PKM: variants seen among roughly 807,000 people sequenced by gnomAD.
PKM encodes the protein pyruvate kinase PKM.
PKM carries 18 observed loss-of-function variants against 49.8 expected under a neutral mutation model. That is an observed-to-expected ratio of 0.36 (90% CI 0.25 to 0.54). PKM has a LOEUF of 0.54. PKM is among the 20% of genes least tolerant of loss of function. PKM has a pLI of 0.89. For missense variants in PKM, 508 were observed against 713.8 expected (o/e 0.71, Z 3.28); for synonymous variants, 239 against 261.8 (o/e 0.91, Z 0.84).
intron 1 of PKM, chr15:72,229,673 C>G (rs2082789553): frequency 1.6e-6 from 2 of 1,242,164 alleles, no homozygotes. Flanking sequence ...GCAGGAAGCT[C>G]GTACCCCACT....
Position 72,202,521 on chromosome 15 carries a change from C to T in PKM, c.1240G>A (p.Val414Met), listed in dbSNP as rs1567102215. ...TTGAAGGAGGCCTCCACGGCACCCACGGCGGTGGCTTCTGTGGGGTCGCTG... is the reference window on the plus strand; with the variant it reads ...TTGAAGGAGGCCTCCACGGCACCCATGGCGGTGGCTTCTGTGGGGTCGCTG... ...ITSDPTEATA[V>M]GAVEASFKCC... is the part of the protein sequence containing the mutation. The change falls in exon 9 of 11, where the codon GTG becomes ATG. Residue 414 changes from valine (V) to methionine (M), a missense_variant. Transcript: ENST00000335181. The surrounding 1 kb of genome is among the most constrained non-coding windows in gnomAD (Gnocchi z 4.5). The T allele has an allele frequency of 2.5e-6, 4 of 1,613,638 alleles. No homozygotes were observed. Among genetic ancestry groups the T allele is most frequent in the African/African-American group, 1.3e-5 (1 of 75,060 alleles).
rs560802986 is a variant in PKM, at chr15:72,221,422, C to T, written c.-13-2312G>A. 21 of 563,636 alleles carry T rather than the reference C, an allele frequency of 3.7e-5. No homozygotes were observed. The East Asian group carries it at 5.9e-4, about 16-fold the overall frequency. 34.9% of individuals were successfully genotyped at this position (563,636 alleles called of 1,614,324 possible). ...TATGTCTCTTTAAACCTGTGATTTA[C>T]TAACATTCCACTATTCTATACAAGA... On this transcript the variant is annotated intron_variant, in intron 1 of 10. Coordinates refer to ENST00000335181, the MANE Select transcript of PKM (RefSeq NM_002654.6).
intron 3 of PKM, among the ~76,000 whole-genome samples, chr15:72,216,929 A>G (rs1451207705): frequency 6.6e-6 from 1 of 152,228 alleles, no homozygotes; most frequent in African/African-American, 2.4e-5. Flanking sequence ...GATAGTGCTT[A>G]TGCATTAGGC....
At chr15:72,218,421 C>T (rs546350421) in intron 2 of PKM, among the ~76,000 whole-genome samples, 2 of 151,964 alleles carry the variant, frequency 1.3e-5, no homozygotes, top group South Asian at 2.1e-4. Context: ...CCACTGCGCC[C>T]GGACAATTTT....
Position 72,200,685 on chromosome 15 carries a change from G to A in PKM, c.1308-30C>T, listed in dbSNP as rs1195631515. The A allele has an allele frequency of 1.0e-5, 16 of 1,592,664 alleles. No homozygotes were observed. The South Asian group carries it at 1.8e-4, about 18-fold the overall frequency. ...GATGGGATGGGGGACATACAGAAGA[G>A]ACCATTACACGAGGCCCCAGGAAGT... is the stretch of plus-strand genomic sequence containing the variant. On this transcript the variant is annotated intron_variant, in intron 9 of 10. Transcript: ENST00000335181. The surrounding 1 kb of genome is among the most constrained non-coding windows in gnomAD (Gnocchi z 4.6).
chr15:72,208,943 C>CAGGAA, intron 5 of PKM, 52 bp from the exon 6 acceptor site: 1 of 1,573,248 alleles, frequency 6.4e-7, no homozygotes, highest in Non-Finnish European at 8.7e-7. Context: ...CACAGGTCAA[C>CAGGAA]AGGAAGCAGG....
At position 72,229,094 on chromosome 15, in the gene PKM, G is replaced by A. The variant is rs1038653753; in HGVS notation, c.-14+2022C>T. On this transcript the variant is annotated intron_variant, in intron 1 of 10. Transcript: ENST00000335181. ...TGGGGAACTGGTTTCCAGGAGACAC[G>A]TGGTTATTCAGAGAGCCTGATTCCT... 2.6e-5 allele frequency among the ~76,000 whole-genome samples: 4 copies of A among 152,334 alleles called. No homozygotes were observed. The East Asian group carries it at 5.8e-4, about 22-fold the overall frequency.
intron 1 of PKM, among the ~76,000 whole-genome samples, chr15:72,222,140 T>C (rs1457290351): frequency 1.3e-5 from 2 of 152,224 alleles, no homozygotes; most frequent in African/African-American, 4.8e-5. Context: ...TATCTCAAAT[T>C]AAATCTGATG....
At position 72,199,186 on chromosome 15, in the gene PKM, G is replaced by A. The variant is rs1062430; in HGVS notation, c.*464C>T. ...GACAGGTGCAAACTGGAGAGGCCTAGAGAGCTAGAGAAGCAAGTAAGGGCC... is the reference window on the plus strand; with the variant it reads ...GACAGGTGCAAACTGGAGAGGCCTAAAGAGCTAGAGAAGCAAGTAAGGGCC... On this transcript the variant is annotated 3_prime_UTR_variant, in exon 11 of 11. Coordinates refer to ENST00000335181, the MANE Select transcript of PKM (RefSeq NM_002654.6). 5.6e-6 allele frequency: 2 copies of A among 354,158 alleles called. No homozygotes were observed. The highest frequency in any genetic ancestry group is 2.1e-5 in the African/African-American group (1 of 46,698). The allele number at this position is 354,158 out of a possible 1,614,324, so 21.9% of individuals were successfully genotyped here. A position where few individuals can be genotyped will look rare whatever the true frequency, so the allele number is the denominator to read the frequency against.
At chr15:72,204,461 C>G (rs983429894) in intron 8 of PKM, 1 of 152,186 alleles carries the variant, frequency 6.6e-6, no homozygotes, top group African/African-American at 2.4e-5. Flanking sequence ...TCTCTGACCC[C>G]ACTGACAGGC....
chr15:72,228,607 T>G, intron 1 of PKM: 1 of 1,277,084 alleles, frequency 7.8e-7, no homozygotes, highest in South Asian at 1.2e-5. Flanking sequence ...AAAAGCAGAA[T>G]AATTGAAAGG....
chr15:72,209,323 C>G (rs1330706531), intron 5 of PKM, among the ~76,000 whole-genome samples: 1 of 150,056 alleles, frequency 6.7e-6, no homozygotes, highest in Non-Finnish European at 1.5e-5. Context: ...GAGCCAAGAT[C>G]ATGCCACTGC....
Position 72,199,122 on chromosome 15 carries a change from G to GT in PKM, c.*527dup, listed in dbSNP as rs1180905248. The GT allele has an allele frequency of 3.3e-6, 1 of 304,894 alleles. No homozygotes were observed. Among genetic ancestry groups the GT allele is most frequent in the Admixed American group, 4.7e-5 (1 of 21,292 alleles). 18.9% of individuals were successfully genotyped at this position (304,894 alleles called of 1,614,324 possible). A position where few individuals can be genotyped will look rare whatever the true frequency, so the allele number is the denominator to read the frequency against. On this transcript the variant is annotated 3_prime_UTR_variant, in exon 11 of 11. Coordinates refer to ENST00000335181, the MANE Select transcript of PKM (RefSeq NM_002654.6). Reference sequence around the variant, plus strand: ...AGTGGGGGAAAATGGAAGGTGGAGGGTGGAGTGTTTGCTGCAGGACAGCTG... The same window carrying GT: ...AGTGGGGGAAAATGGAAGGTGGAGGGTTGGAGTGTTTGCTGCAGGACAGCTG...
chr15:72,230,085 C>A (rs768485338), intron 1 of PKM, among the ~76,000 whole-genome samples: 26 of 152,260 alleles, frequency 1.7e-4, no homozygotes, highest in Non-Finnish European at 3.5e-4. Flanking sequence ...GCGGCCGCTA[C>A]GTGCAGCCCG....
At chr15:72,205,083 G>A (rs1038322537) in intron 8 of PKM, among the ~76,000 whole-genome samples, 4 of 152,010 alleles carry the variant, frequency 2.6e-5, no homozygotes, top group African/African-American at 9.7e-5. Flanking sequence ...GCCTGGGAGA[G>A]AAATCACTCT....
intron 1 of PKM, among the ~76,000 whole-genome samples, chr15:72,228,040 C>T (rs547670360): frequency 2.0e-5 from 3 of 152,264 alleles, no homozygotes; most frequent in South Asian, 2.1e-4. Context: ...ACTGGGGGTA[C>T]GGTTCTTAAA....
chr15:72,210,038 G>T (rs2082209283), intron 4 of PKM, 179 bp from the exon 5 acceptor site: 2 of 668,518 alleles, frequency 3.0e-6, no homozygotes, highest in Non-Finnish European at 5.4e-6. Flanking sequence ...TCCAAGAAAA[G>T]AATATGTTTC....
intron 6 of PKM, 44 bp from the exon 7 acceptor site, chr15:72,207,321 GC>G: frequency 6.3e-7 from 1 of 1,577,108 alleles, no homozygotes; most frequent in Non-Finnish European, 8.7e-7. Context: ...TAGAACAGAG[GC>G]CACAAGTATG....
intron 3 of PKM, among the ~76,000 whole-genome samples, chr15:72,216,276 T>C (rs963328722): frequency 1.3e-5 from 2 of 152,196 alleles, no homozygotes; most frequent in African/African-American, 4.8e-5. Context: ...ATTCCTCTTA[T>C]CAATGCCATT....
Sources: allele counts gnomAD v4.1 joint callset (sites outside exome capture counted in the v4.1 genomes callset), GRCh38; gene constraint gnomAD v4.1.1; non-coding constraint Gnocchi (gnomAD v3.1); transcripts MANE v1.5; gene names NCBI Gene and HGNC (gene_info 2026-07-23, HGNC 2026-07-21).